The following CLVS1 variants were observed in gnomAD, a reference collection of about 807,000 sequenced individuals.
The protein encoded by CLVS1 is clavesin 1, also known as clavesin-1.
A neutral mutation model predicts 33.1 loss-of-function variants in CLVS1; 10 were observed. The ratio of observed to expected loss-of-function variants is 0.30; its 90% CI spans 0.19 to 0.51. The LOEUF (loss-of-function observed/expected upper bound fraction) is 0.51, where lower values mean the gene tolerates loss of function less well. Ranked by LOEUF, CLVS1 falls within the 20% of genes least tolerant of loss-of-function variation. The pLI, the probability that CLVS1 is intolerant of heterozygous loss-of-function variation, is 0.97. For missense variants in CLVS1, 343 were observed against 433.4 expected (o/e 0.79, Z 1.85); for synonymous variants, 163 against 166.1 (o/e 0.98, Z 0.14).
In CLVS1 at chr8:61,174,945, C is replaced by T. The variant is rs80044347; in HGVS notation, c.-152+43085C>T. 4.2e-3 allele frequency among the ~76,000 whole-genome samples: 374 copies of T among 89,528 alleles called. 2 individuals are homozygous for T. Among genetic ancestry groups the T allele is most frequent in the African/African-American group, 0.016 (359 of 22,240 alleles). The allele number at this position is 89,528 out of a possible 152,430, so 58.7% of individuals were successfully genotyped here. ...GTCTATAAGAGCTGTTTGTTGTTAA[C>T]CTAAGAGCGGAGACCTAGGACTCAA... On this transcript the variant is annotated intron_variant, in intron 2 of 2. Transcript: ENST00000522621.
At chr8:61,485,734 G>A (rs1803855412) in intron 5 of CLVS1, among the ~76,000 whole-genome samples, 10 of 152,184 alleles carry the variant, frequency 6.6e-5, no homozygotes, top group Admixed American at 6.5e-4. Context: ...AGAAAATGTG[G>A]CACATATACA....
At chr8:61,174,760 T>G (rs1340028704) in intron 2 of CLVS1, among the ~76,000 whole-genome samples, 1 of 138,752 alleles carries the variant, frequency 7.2e-6, no homozygotes, top group East Asian at 2.0e-4. Flanking sequence ...AACTTACAAT[T>G]TAATTGGAAA....
At chr8:61,467,481 T>A (rs904145107) in intron 5 of CLVS1, among the ~76,000 whole-genome samples, 13 of 152,126 alleles carry the variant, frequency 8.5e-5, no homozygotes, top group African/African-American at 3.1e-4. Context: ...TCTGAACCCA[T>A]CACCATGGCC....
At chr8:61,175,506 C>T (rs1483191156) in intron 2 of CLVS1, among the ~76,000 whole-genome samples, 1 of 152,090 alleles carries the variant, frequency 6.6e-6, no homozygotes, top group Non-Finnish European at 1.5e-5. Flanking sequence ...GACTAAGATA[C>T]CTTAAATGTG....
intron 2 of CLVS1, among the ~76,000 whole-genome samples, chr8:61,279,113 G>A (rs1809619154): frequency 6.6e-6 from 1 of 152,192 alleles, no homozygotes; most frequent in Non-Finnish European, 1.5e-5. Flanking sequence ...TTTGAGGTAT[G>A]AATGGAAAAA....
chr8:61,404,906 C>T lies in CLVS1; in HGVS notation c.630+28127C>T, dbSNP rs533373245. Among the ~76,000 whole-genome samples, 53 of 152,266 alleles carry T rather than the reference C, an allele frequency of 3.5e-4. 2 individuals carry two copies. The highest frequency in any genetic ancestry group is 2.1e-4 in the South Asian group (1 of 4,820). ...AGAGGAGGAGATTCTATGTCAAGCT[C>T]GATCCCCAGATCTAGCAAAGAGGAT... is the stretch of plus-strand genomic sequence containing the variant. On this transcript the variant is annotated intron_variant, in intron 3 of 5. Transcript: ENST00000325897.
At chr8:61,033,126 G>GGAAAGAAAGAAAGAAAGAAA in the CLVS1 span, among the ~76,000 whole-genome samples, 13 of 68,732 alleles carry the variant, frequency 1.9e-4, 1 homozygote, top group African/African-American at 6.1e-4. Flanking sequence ...AAGGAAGAAA[G>GGAAAGAAAGAAAGAAAGAAA]GAAAGAAAGA....
intron 3 of CLVS1, among the ~76,000 whole-genome samples, chr8:61,409,932 AT>A (rs1010142914): frequency 2.0e-4 from 30 of 151,994 alleles, no homozygotes; most frequent in African/African-American, 6.5e-4. Context: ...TGTTTTGCTA[AT>A]TTTTTACTAA....
chr8:61,238,789 A>AAT (rs1188396858), intron 2 of CLVS1, among the ~76,000 whole-genome samples: 2 of 152,274 alleles, frequency 1.3e-5, no homozygotes, highest in Admixed American at 6.5e-5. Context: ...TTATTTAATC[A>AAT]ATCTGCTATT....
chr8:61,424,938 G>T (rs1253760514), intron 3 of CLVS1, among the ~76,000 whole-genome samples: 1 of 152,164 alleles, frequency 6.6e-6, no homozygotes, highest in Non-Finnish European at 1.5e-5. Context: ...ATTAAGAATA[G>T]AGCACTGACA....
chr8:61,126,680 G>A (rs567542716), intron 1 of CLVS1, among the ~76,000 whole-genome samples: 4 of 152,132 alleles, frequency 2.6e-5, no homozygotes, highest in East Asian at 1.9e-4. Context: ...TTTAAAGTCC[G>A]GGAAAATTTC....
the CLVS1 span, among the ~76,000 whole-genome samples, chr8:61,027,245 T>A: frequency 6.6e-6 from 1 of 152,204 alleles, no homozygotes; most frequent in Admixed American, 6.5e-5. Context: ...GTCTTCCTGA[T>A]AAAAGCCAAC....
At chr8:61,399,659 T>C (rs113530032) in intron 3 of CLVS1, among the ~76,000 whole-genome samples, 3,148 of 152,342 alleles carry the variant, frequency 0.021, 90 homozygotes, top group African/African-American at 0.071. Flanking sequence ...AGGGTTTTTA[T>C]AGTTTTGGGT....
the CLVS1 span, among the ~76,000 whole-genome samples, chr8:60,967,388 G>A: frequency 6.6e-6 from 1 of 152,200 alleles, no homozygotes; most frequent in Non-Finnish European, 1.5e-5. Context: ...AAACTCACTG[G>A]AGAAAGAAGC....
At chr8:61,420,478 T>A (rs1815614093) in intron 3 of CLVS1, among the ~76,000 whole-genome samples, 1 of 152,082 alleles carries the variant, frequency 6.6e-6, no homozygotes, top group Non-Finnish European at 1.5e-5. Context: ...GTCTCCTGCC[T>A]GTAGTCCGAG....
chr8:61,213,156 G>C (rs1333106463), intron 2 of CLVS1, among the ~76,000 whole-genome samples: 1 of 151,454 alleles, frequency 6.6e-6, no homozygotes. Flanking sequence ...TCTTGGTTTA[G>C]TGTCACCCCT....
intron 2 of CLVS1, among the ~76,000 whole-genome samples, chr8:61,185,591 A>G (rs895905745): frequency 9.2e-5 from 14 of 152,158 alleles, no homozygotes; most frequent in African/African-American, 3.4e-4. Context: ...TCTGTAAATA[A>G]ACTTTATGTA....
At chr8:61,050,930 G>A in the CLVS1 span, among the ~76,000 whole-genome samples, 11 of 152,192 alleles carry the variant, frequency 7.2e-5, no homozygotes, top group Admixed American at 6.5e-4. Context: ...GGGAAAGTAT[G>A]AGCCAGTCAG....
At chr8:61,310,704 G>A (rs1810800939) in intron 2 of CLVS1, among the ~76,000 whole-genome samples, 1 of 152,244 alleles carries the variant, frequency 6.6e-6, no homozygotes, top group African/African-American at 2.4e-5. Context: ...AATAGGAACA[G>A]TGATGACAAA....
Sources: gnomAD v4.1 joint callset for allele counts (sites outside exome capture counted in the v4.1 genomes callset) on GRCh38, gnomAD v4.1.1 for gene constraint, MANE v1.5 for transcripts, NCBI Gene and HGNC (gene_info 2026-07-23, HGNC 2026-07-21) for gene names.